The following VPS53 variants were observed in gnomAD, a reference collection of about 807,000 sequenced individuals.
VPS53 encodes the protein vacuolar protein sorting-associated protein 53 homolog.
VPS53 carries 70 observed loss-of-function variants against 107.0 expected under a neutral mutation model. That is an observed-to-expected ratio of 0.65 (90% CI 0.54 to 0.80). The LOEUF is 0.80. Among genes scored for constraint, VPS53 ranks in the 30% least tolerant of loss-of-function variants. The pLI, the probability that VPS53 is intolerant of heterozygous loss-of-function variation, is 0.00. For missense variants in VPS53, 917 were observed against 1,049.4 expected (o/e 0.87, Z 1.74); for synonymous variants, 409 against 393.3 (o/e 1.04, Z -0.47).
chr17:563,287 CTTTTT>C (rs36076034), intron 13 of VPS53, among the ~76,000 whole-genome samples: 2 of 103,296 alleles, frequency 1.9e-5, no homozygotes, highest in Non-Finnish European at 3.6e-5. Flanking sequence ...ACTTCATTTC[CTTTTT>C]TTTTTTTTTT....
intron 2 of VPS53, among the ~76,000 whole-genome samples, chr17:709,051 C>T (rs1973530020): frequency 6.6e-6 from 1 of 152,162 alleles, no homozygotes; most frequent in Admixed American, 6.6e-5. Context: ...CTGCTGCAAG[C>T]TTGACTCCTT....
At chr17:541,757 A>G (rs1165262999) in intron 17 of VPS53, among the ~76,000 whole-genome samples, 1 of 147,262 alleles carries the variant, frequency 6.8e-6, no homozygotes, top group African/African-American at 2.5e-5. Flanking sequence ...AATGTTTATC[A>G]AGGACCTACC....
intron 11 of VPS53, among the ~76,000 whole-genome samples, chr17:606,075 C>G (rs1339457527): frequency 6.6e-6 from 1 of 152,078 alleles, no homozygotes; most frequent in African/African-American, 2.4e-5. Context: ...CAGGAAAGGG[C>G]TGATGGGGAA....
At chr17:572,996 C>T (rs867951915) in intron 13 of VPS53, among the ~76,000 whole-genome samples, 2 of 151,734 alleles carry the variant, frequency 1.3e-5, no homozygotes, top group South Asian at 4.2e-4. Flanking sequence ...CCAAATCCCC[C>T]TCTGTGAGAA....
chr17:695,028 T>C (rs1032502772), intron 4 of VPS53, among the ~76,000 whole-genome samples: 1 of 152,190 alleles, frequency 6.6e-6, no homozygotes, highest in African/African-American at 2.4e-5. Context: ...TGTTATTGCA[T>C]GTGGCCTATG....
chr17:606,446 C>A (rs886595294), intron 11 of VPS53, among the ~76,000 whole-genome samples: 1 of 152,040 alleles, frequency 6.6e-6, no homozygotes, highest in Non-Finnish European at 1.5e-5. Context: ...ATGAGGCATG[C>A]GTGTCAGGCG....
At chr17:657,282 T>G in intron 5 of VPS53, 1 of 840,788 alleles carries the variant, frequency 1.2e-6, no homozygotes, top group Non-Finnish European at 2.0e-6. Context: ...CAGATGGAAA[T>G]TCTCTCCTGT....
chr17:655,545 T>G (rs1022124950), intron 6 of VPS53, among the ~76,000 whole-genome samples: 5 of 145,518 alleles, frequency 3.4e-5, no homozygotes, highest in African/African-American at 1.2e-4. Context: ...TATGGCCCTG[T>G]GTCACTCTGT....
chr17:608,478 C>G (rs1388433839), intron 11 of VPS53, among the ~76,000 whole-genome samples: 2 of 151,970 alleles, frequency 1.3e-5, no homozygotes, highest in Non-Finnish European at 2.9e-5. Flanking sequence ...AAAAATATAC[C>G]CCAAAGAATT....
At chr17:557,938 C>A (rs1180422708) in intron 15 of VPS53, among the ~76,000 whole-genome samples, 3 of 150,634 alleles carry the variant, frequency 2.0e-5, no homozygotes, top group Non-Finnish European at 2.9e-5. Flanking sequence ...TAGCTCACTG[C>A]AGCTTTGACC....
intron 5 of VPS53, chr17:657,286 C>T (rs1438549145): frequency 1.2e-6 from 1 of 835,394 alleles, no homozygotes; most frequent in Non-Finnish European, 2.0e-6. Flanking sequence ...TGGAAATTCT[C>T]TCCTGTCTTG....
At chr17:635,561 A>G (rs1970163613) in intron 7 of VPS53, among the ~76,000 whole-genome samples, 1 of 152,100 alleles carries the variant, frequency 6.6e-6, no homozygotes, top group African/African-American at 2.4e-5. Context: ...TCCATCTTGA[A>G]TTAATTTTTG....
Position 551,928 on chromosome 17 carries a change from G to A in VPS53, c.1810C>T (p.Leu604=). The change falls in exon 17 of 22, where the codon CTG becomes TTG. Residue 604 remains leucine (L), a synonymous_variant. Coordinates refer to ENST00000437048, the MANE Select transcript of VPS53 (RefSeq NM_001128159.3). ...GCAGCATCCAGATCCTGAACCAGCAGCTGAATACTGCTGGAGATGACGCTG... is the reference window on the plus strand; with the variant it reads ...GCAGCATCCAGATCCTGAACCAGCAACTGAATACTGCTGGAGATGACGCTG... ...FSTVISSSIQ[L]LVQDLDAACD... is the part of the protein sequence containing the mutation. 6.2e-7 allele frequency: 1 copy of A among 1,601,474 alleles called. No homozygotes were observed. The highest frequency in any genetic ancestry group is 8.5e-7 in the Non-Finnish European group (1 of 1,173,648).
intron 17 of VPS53, among the ~76,000 whole-genome samples, chr17:549,793 A>T (rs574613482): frequency 6.6e-6 from 1 of 152,314 alleles, no homozygotes; most frequent in South Asian, 2.1e-4. Flanking sequence ...TTGCCTGCTC[A>T]GAGTGTTCTC....
chr17:605,489 G>C (rs968628411), intron 11 of VPS53, among the ~76,000 whole-genome samples: 13 of 150,786 alleles, frequency 8.6e-5, no homozygotes, highest in Non-Finnish European at 1.8e-4. Context: ...AAGAGGGGTG[G>C]CGGGAGTCCC....
At chr17:583,550 G>A (rs139963910) in intron 13 of VPS53, among the ~76,000 whole-genome samples, 8 of 146,908 alleles carry the variant, frequency 5.4e-5, no homozygotes, top group East Asian at 4.5e-4. Context: ...AACCTAATGC[G>A]TTCCCAGGGA....
intron 17 of VPS53, among the ~76,000 whole-genome samples, chr17:542,407 G>C (rs1295018712): frequency 6.6e-6 from 1 of 152,190 alleles, no homozygotes; most frequent in African/African-American, 2.4e-5. Context: ...ACCGGGACAA[G>C]TCATCTAATT....
At position 517,276 on chromosome 17, in the gene VPS53, C is replaced by T. The variant is rs1020031591; in HGVS notation, c.*1852G>A. The T allele has an allele frequency of 2.8e-5, 11 of 393,720 alleles. No individual in the cohort carries two copies. The highest frequency in any genetic ancestry group is 4.5e-5 in the Non-Finnish European group (10 of 223,542). 24.4% of individuals were successfully genotyped at this position (393,720 alleles called of 1,614,324 possible). A position where few individuals can be genotyped will look rare whatever the true frequency, so the allele number is the denominator to read the frequency against. On this transcript the variant is annotated 3_prime_UTR_variant, in exon 22 of 22. Coordinates refer to ENST00000437048, the MANE Select transcript of VPS53 (RefSeq NM_001128159.3). Reference sequence around the variant, plus strand: ...CTCCTCCGCATTCTCAAATTTGAGACGCTTGATGCGTGAGAGTCAAACCAG... The same window carrying T: ...CTCCTCCGCATTCTCAAATTTGAGATGCTTGATGCGTGAGAGTCAAACCAG...
intron 11 of VPS53, among the ~76,000 whole-genome samples, chr17:610,753 TA>T (rs34089454): frequency 0.48 from 61,652 of 128,824 alleles, 15,157 homozygotes; most frequent in Non-Finnish European, 0.58. Flanking sequence ...CCGCCTCTAC[TA>T]AAAAAAAAAA....
Sources: allele counts gnomAD v4.1 joint callset (sites outside exome capture counted in the v4.1 genomes callset), GRCh38; gene constraint gnomAD v4.1.1; transcripts MANE v1.5; gene names NCBI Gene and HGNC (gene_info 2026-07-23, HGNC 2026-07-21).